The following RPE variants were observed in gnomAD, a reference collection of about 807,000 sequenced individuals.
RPE encodes the protein ribulose-5-phosphate-3-epimerase, also known as ribulose-phosphate 3-epimerase.
A neutral mutation model predicts 24.6 loss-of-function variants in RPE; 16 were observed. The observed-to-expected ratio is 0.65, with a 90% confidence interval of 0.44 to 0.99. The LOEUF (loss-of-function observed/expected upper bound fraction) is 0.99, where lower values mean the gene tolerates loss of function less well. RPE is among the 50% of genes least tolerant of loss of function. RPE has a pLI of 0.00. For synonymous variants in RPE, 93 were observed against 98.4 expected (o/e 0.94, Z 0.33); for missense variants, 240 against 294.5 (o/e 0.81, Z 1.35).
rs2093864006 is a variant in RPE at position 210,021,996 on chromosome 2, C to G, written c.*2205C>G. The stretch of plus-strand genomic sequence containing the variant: ...CTAATTTCTTGCTAATCTAGAAATA[C>G]AATCATCTTTTTTTTTTTTTTCAAA... On this transcript the variant is annotated 3_prime_UTR_variant, in exon 6 of 6. Coordinates refer to ENST00000359429, the MANE Select transcript of RPE (RefSeq NM_199229.3). The G allele has an allele frequency of 6.7e-6, 1 of 148,152 alleles. No individual in the cohort carries two copies. Among genetic ancestry groups the G allele is most frequent in the African/African-American group, 2.5e-5 (1 of 39,366 alleles). The allele number at this position is 148,152 out of a possible 1,614,324, so 9.2% of individuals were successfully genotyped here. A position where few individuals can be genotyped will look rare whatever the true frequency, so the allele number is the denominator to read the frequency against.
intron 1 of RPE, 162 bp from the exon 2 acceptor site, chr2:210,009,495 C>T (rs2093673437): frequency 1.1e-6 from 1 of 927,132 alleles, no homozygotes; most frequent in Non-Finnish European, 1.6e-6. Flanking sequence ...CTAGTAAAAC[C>T]AAAATGACCC....
At chr2:210,009,414 G>T (rs1182007047) in intron 1 of RPE, among the ~76,000 whole-genome samples, 1 of 152,130 alleles carries the variant, frequency 6.6e-6, no homozygotes, top group Non-Finnish European at 1.5e-5. Context: ...GTCATGGGTC[G>T]TGAATTACGG....
At chr2:210,004,735 G>C (rs1464395888) in intron 1 of RPE, among the ~76,000 whole-genome samples, 1 of 152,154 alleles carries the variant, frequency 6.6e-6, no homozygotes, top group African/African-American at 2.4e-5. Context: ...ACCATAAGGT[G>C]CTTAGTTATT....
At position 210,009,639 on chromosome 2, in the gene RPE, A is replaced by G; in HGVS notation, c.123-18A>G. On this transcript the variant is annotated intron_variant, in intron 1 of 5. Coordinates refer to ENST00000359429, the MANE Select transcript of RPE (RefSeq NM_199229.3). The stretch of plus-strand genomic sequence containing the variant: ...TGAATTGAAAACATTTTCAGAGTAG[A>G]TTTTGTTTGTCTTGTAGGCATTTTG... 1 of 1,614,066 alleles carries G rather than the reference A, an allele frequency of 6.2e-7. No homozygotes were observed. The highest frequency in any genetic ancestry group is 1.3e-5 in the African/African-American group (1 of 75,026).
chr2:210,018,196 A>T, intron 5 of RPE: 2 of 1,534,808 alleles, frequency 1.3e-6, no homozygotes, highest in Non-Finnish European at 1.7e-6. Flanking sequence ...GAAGTGAGAA[A>T]TTTTTCCAAA....
At chr2:210,008,648 G>T (rs971624205) in intron 1 of RPE, among the ~76,000 whole-genome samples, 1 of 151,820 alleles carries the variant, frequency 6.6e-6, no homozygotes, top group Middle Eastern at 3.2e-3. Context: ...ATTAACTGGA[G>T]TAGGGTAAAG....
At chr2:210,018,673 CTG>C in intron 5 of RPE, 1 of 985,332 alleles carries the variant, frequency 1.0e-6, no homozygotes, top group East Asian at 1.1e-4. Context: ...TTGTACTAAA[CTG>C]TGCTTTGCCA....
intron 5 of RPE, 174 bp downstream of exon 5, chr2:210,017,733 CTTTT>C: frequency 3.4e-6 from 1 of 296,438 alleles, no homozygotes; most frequent in African/African-American, 3.4e-5. Context: ...AGTGGATATG[CTTTT>C]TTTTTTTTTT....
At chr2:210,003,273 AT>A (rs1461452715) in intron 1 of RPE, among the ~76,000 whole-genome samples, 1 of 152,216 alleles carries the variant, frequency 6.6e-6, no homozygotes, top group Non-Finnish European at 1.5e-5. Context: ...CAGTTTCATA[AT>A]TTGAAAAATG....
In RPE at chr2:210,004,481, T is replaced by C. The variant is rs2093604181; in HGVS notation, c.122+1698T>C. Reference sequence around the variant, plus strand: ...AACTAGGAAATGGTGGAGCCAGGGTTGGAAGCAATGCAACAGCTTGTGTTG... The same window carrying C: ...AACTAGGAAATGGTGGAGCCAGGGTCGGAAGCAATGCAACAGCTTGTGTTG... On this transcript the variant is annotated intron_variant, in intron 1 of 5. Coordinates refer to ENST00000359429, the MANE Select transcript of RPE (RefSeq NM_199229.3). Among the ~76,000 whole-genome samples, 4 of 152,228 alleles carry C rather than the reference T, an allele frequency of 2.6e-5. No homozygotes were observed. The South Asian group carries it at 8.3e-4, about 32-fold the overall frequency.
rs1448707367 is a variant in RPE, at chr2:210,002,798, C to T, written c.122+15C>T. 1 of 1,614,142 alleles carries T rather than the reference C, an allele frequency of 6.2e-7. No homozygotes were observed. Among genetic ancestry groups the T allele is most frequent in the South Asian group, 1.1e-5 (1 of 91,076 alleles). On this transcript the variant is annotated intron_variant, in intron 1 of 5. Coordinates refer to ENST00000359429, the MANE Select transcript of RPE (RefSeq NM_199229.3). The stretch of plus-strand genomic sequence containing the variant: ...GTAATGGACGGGTAACTCCTCCGGG[C>T]TCCGGTCGGGCTTGCCGCGCGGCGG...
intron 2 of RPE, 34 bp from the exon 3 acceptor site, chr2:210,015,939 T>C (rs2093765029): frequency 6.2e-7 from 1 of 1,604,304 alleles, no homozygotes; most frequent in Non-Finnish European, 8.5e-7. Flanking sequence ...CCAGGTATTT[T>C]TCAGTAATAT....
At chr2:210,017,428 C>CA in intron 4 of RPE, 45 bp from the exon 5 acceptor site, 7 of 924,526 alleles carry the variant, frequency 7.6e-6, no homozygotes, top group Non-Finnish European at 9.9e-6. Flanking sequence ...CCCCCACCAA[C>CA]ATACCCACTT....
intron 1 of RPE, among the ~76,000 whole-genome samples, chr2:210,005,467 G>C (rs2093617988): frequency 6.6e-6 from 1 of 151,840 alleles, no homozygotes; most frequent in African/African-American, 2.4e-5. Context: ...GATTCTCTGG[G>C]GGAAAAAAAC....
intron 2 of RPE, among the ~76,000 whole-genome samples, chr2:210,014,335 C>T (rs752799084): frequency 1.4e-4 from 21 of 151,498 alleles, no homozygotes; most frequent in Non-Finnish European, 2.2e-4. Context: ...GTGATCCACC[C>T]GCCTTGGCCT....
Position 210,002,800 on chromosome 2 carries a change from C to T in RPE, c.122+17C>T, listed in dbSNP as rs1260984877. 6.2e-7 allele frequency: 1 copy of T among 1,613,996 alleles called. No individual in the cohort carries two copies. The highest frequency in any genetic ancestry group is 8.5e-7 in the Non-Finnish European group (1 of 1,180,014). On this transcript the variant is annotated intron_variant, in intron 1 of 5. Coordinates refer to ENST00000359429, the MANE Select transcript of RPE (RefSeq NM_199229.3). ...AATGGACGGGTAACTCCTCCGGGCT[C>T]CGGTCGGGCTTGCCGCGCGGCGGGG...
chr2:210,018,385 A>T lies in RPE; in HGVS notation c.564+826A>T, dbSNP rs147939790. ...TTTGGCTATCTGTATAGAAGTAAAAACTTTTTTTTACTTTTTTTTTTTTTT... is the reference window on the plus strand; with the variant it reads ...TTTGGCTATCTGTATAGAAGTAAAATCTTTTTTTTACTTTTTTTTTTTTTT... On this transcript the variant is annotated intron_variant, in intron 5 of 5. Coordinates refer to ENST00000359429, the MANE Select transcript of RPE (RefSeq NM_199229.3). The T allele has an allele frequency of 2.9e-4, 282 of 982,888 alleles. 1 individual carries two copies. The African/African-American group carries it at 4.7e-3, about 16-fold the overall frequency. The allele number at this position is 982,888 out of a possible 1,614,324, so 60.9% of individuals were successfully genotyped here.
intron 5 of RPE, 169 bp downstream of exon 5, chr2:210,017,728 A>ATTT: frequency 2.2e-6 from 1 of 458,156 alleles, no homozygotes; most frequent in Non-Finnish European, 3.9e-6. Context: ...CCATAAGTGG[A>ATTT]TATGCTTTTT....
chr2:210,016,997 C>A (rs529910002), intron 4 of RPE, among the ~76,000 whole-genome samples: 2 of 152,112 alleles, frequency 1.3e-5, no homozygotes, highest in East Asian at 3.9e-4. Context: ...GTGCATACCA[C>A]CATGCCCGGC....
Sources: gnomAD v4.1 joint callset for allele counts (sites outside exome capture counted in the v4.1 genomes callset) on GRCh38, gnomAD v4.1.1 for gene constraint, MANE v1.5 for transcripts, NCBI Gene and HGNC (gene_info 2026-07-23, HGNC 2026-07-21) for gene names.